PRTN3: variants seen among roughly 807,000 people sequenced by gnomAD.
PRTN3 encodes proteinase 3.
In PRTN3, 22 loss-of-function variants were observed where a neutral mutation model predicts 20.7. The observed-to-expected ratio is 1.06, with a 90% CI of 0.76 to 1.52. The LOEUF (loss-of-function observed/expected upper bound fraction) is 1.52. PRTN3 is among the 40% of genes most tolerant of loss of function. The pLI is 0.00. For synonymous variants in PRTN3, 173 were observed against 152.9 expected, an observed-to-expected ratio of 1.13 and a Z score of -0.97; for missense variants, 378 against 359.6, an observed-to-expected ratio of 1.05 and a Z score of -0.41.
chr19:846,043 C>G lies in PRTN3; in HGVS notation c.370-104C>G, dbSNP rs562714313. 1.5e-5 allele frequency: 11 copies of G among 748,868 alleles called. No individual in the cohort carries two copies. The Admixed American group carries it at 1.7e-4, about 12-fold the overall frequency. The allele number at this position is 748,868 out of a possible 1,614,324, so 46.4% of individuals were successfully genotyped here. A position where few individuals can be genotyped will look rare whatever the true frequency, so the allele number is the denominator to read the frequency against. ...GCCCAGGCGGAGGGAGCGGCATCCG[C>G]GGCGTTTTGAGGTGGTGGGTGTGGT... On this transcript the variant is annotated intron_variant, in intron 3 of 4. Transcript: ENST00000234347.
At chr19:847,727 G>A (rs1236049436) in intron 4 of PRTN3, 72 bp from the exon 5 acceptor site, 19 of 1,507,752 alleles carry the variant, frequency 1.3e-5, no homozygotes, top group Non-Finnish European at 1.6e-5. Context: ...CCTGATGGGT[G>A]ACTGGCCGTC....
chr19:848,086 C>A lies in PRTN3; in HGVS notation c.*117C>A. 1 of 1,286,800 alleles carries A rather than the reference C, an allele frequency of 7.8e-7. No individual in the cohort carries two copies. Among genetic ancestry groups the A allele is most frequent in the Non-Finnish European group, 1.1e-6 (1 of 950,884 alleles). The allele number at this position is 1,286,800 out of a possible 1,614,324, so 79.7% of individuals were successfully genotyped here. ...CTGTGGCGTCCGGGACGGCCCCACCCGTCCCCCCACACTCCCTCCCACGGG... is the reference window on the plus strand; with the variant it reads ...CTGTGGCGTCCGGGACGGCCCCACCAGTCCCCCCACACTCCCTCCCACGGG... On this transcript the variant is annotated 3_prime_UTR_variant, in exon 5 of 5. Transcript: ENST00000234347.
At chr19:845,802 C>T (rs528573684) in intron 3 of PRTN3, among the ~76,000 whole-genome samples, 141 of 151,618 alleles carry the variant, frequency 9.3e-4, no homozygotes, top group African/African-American at 3.0e-3. Context: ...CCAGCACTTT[C>T]GGAGGCTGAG....
In PRTN3 at chr19:847,941, G is replaced by A. The variant is rs774510400; in HGVS notation, c.743G>A (p.Arg248His). 10 of 1,604,816 alleles carry A rather than the reference G, an allele frequency of 6.2e-6. No individual in the cohort carries two copies. The East Asian group carries it at 6.7e-5, about 11-fold the overall frequency. Reference sequence around the variant, plus strand: ...GTGGACTGGATCCGTTCCACGCTGCGCCGTGTGGAGGCCAAGGGCCGCCCC... The same window carrying A: ...GTGGACTGGATCCGTTCCACGCTGCACCGTGTGGAGGCCAAGGGCCGCCCC... Reference protein sequence around the residue: ...LYVDWIRSTLRRVEAKGRP With the variant: ...LYVDWIRSTLHRVEAKGRP Residue 248 changes from arginine to histidine, a missense_variant, in exon 5 of 5, where the codon CGC (arginine) becomes CAC (histidine). Coordinates refer to ENST00000234347, the MANE Select transcript of PRTN3 (RefSeq NM_002777.4).
chr19:843,226 C>A, intron 1 of PRTN3: 1 of 543,742 alleles, frequency 1.8e-6, no homozygotes. Context: ...ACCTGGTCTG[C>A]GTCTTAAAAG....
intron 3 of PRTN3, 96 bp downstream of exon 3, chr19:844,130 T>C: frequency 1.4e-6 from 2 of 1,448,730 alleles, no homozygotes; most frequent in Non-Finnish European, 1.8e-6. Context: ...ACCCACTGTA[T>C]ACCGGGCCAC....
Position 843,515 on chromosome 19 carries a change from G to A in PRTN3, c.116G>A (p.Arg39Gln). The A allele has an allele frequency of 1.3e-6, 2 of 1,589,304 alleles. No homozygotes were observed. The highest frequency in any genetic ancestry group is 8.5e-7 in the Non-Finnish European group (1 of 1,170,976). Reference sequence around the variant, plus strand: ...GGGCACGAGGCGCAGCCACACTCCCGGCCCTACATGGCCTCCCTGCAGATG... The same window carrying A: ...GGGCACGAGGCGCAGCCACACTCCCAGCCCTACATGGCCTCCCTGCAGATG... Reference protein sequence around the residue: ...VGGHEAQPHSRPYMASLQMRG... With the variant: ...VGGHEAQPHSQPYMASLQMRG... The change falls in exon 2 of 5, where the codon CGG becomes CAG. Residue 39 changes from arginine (R) to glutamine (Q), a missense_variant. By Grantham distance (43) the Arg-to-Gln change is conservative. Transcript: ENST00000234347.
chr19:847,555 AAGAGAGAGAGAG>A (rs145629657), intron 4 of PRTN3, among the ~76,000 whole-genome samples: 32 of 115,826 alleles, frequency 2.8e-4, no homozygotes, highest in Middle Eastern at 3.8e-3. Context: ...AAGAAAAAGA[AAGAGAGAGAGAG>A]AGAGAGAGAG....
chr19:842,586 AT>A (rs71174326), intron 1 of PRTN3, among the ~76,000 whole-genome samples: 1,050 of 65,444 alleles, frequency 0.016, 43 homozygotes, highest in African/African-American at 0.07. Flanking sequence ...CACCTGGCTA[AT>A]TTTTTTTTTT....
intron 3 of PRTN3, among the ~76,000 whole-genome samples, chr19:844,627 G>A (rs1289405701): frequency 2.7e-5 from 4 of 149,962 alleles, no homozygotes; most frequent in African/African-American, 9.9e-5. Context: ...GGCGAGGACA[G>A]CCACAGCCCT....
At chr19:841,616 A>G (rs1347361891) in intron 1 of PRTN3, among the ~76,000 whole-genome samples, 3 of 58,022 alleles carry the variant, frequency 5.2e-5, no homozygotes, top group African/African-American at 1.3e-4. Context: ...GAGTGAATGA[A>G]TGAATGAGTG....
chr19:842,591 T>TTTTTTTTG (rs1347451456), intron 1 of PRTN3, among the ~76,000 whole-genome samples: 4 of 133,922 alleles, frequency 3.0e-5, no homozygotes, highest in Non-Finnish European at 6.3e-5. Flanking sequence ...GGCTAATTTT[T>TTTTTTTTG]TTTTTTTTTT....
chr19:842,673 C>T (rs1407509791), intron 1 of PRTN3, among the ~76,000 whole-genome samples: 1 of 147,394 alleles, frequency 6.8e-6, no homozygotes, highest in Middle Eastern at 3.3e-3. Context: ...CCACAACCTC[C>T]GCTTCCTGGG....
chr19:841,069 G>A lies in PRTN3; in HGVS notation c.61G>A (p.Gly21Ser), dbSNP rs915743854. 8.7e-6 allele frequency: 14 copies of A among 1,604,900 alleles called. No individual in the cohort carries two copies. The highest frequency in any genetic ancestry group is 2.7e-5 in the African/African-American group (2 of 75,052). Residue 21 changes from glycine (G) to serine (S), a missense_variant and splice_region_variant, in exon 1 of 5, where the codon GGT becomes AGT. By Grantham distance (56) the Gly-to-Ser change is moderately conservative. Coordinates refer to ENST00000234347, the MANE Select transcript of PRTN3 (RefSeq NM_002777.4). ...ASVLLALLLS[G>S]AARAAEIVGG... ...CGTGCTGCTGGCCTTGCTGCTGAGC[G>A]GTGAGTGAGCCACGTGCCCATCCAT...
intron 4 of PRTN3, 25 bp from the exon 5 acceptor site, chr19:847,774 G>C: frequency 6.3e-7 from 1 of 1,593,804 alleles, no homozygotes; most frequent in Non-Finnish European, 8.6e-7. Flanking sequence ...CCCCTGATGG[G>C]TGACTGGCCG....
Position 847,901 on chromosome 19 carries a change from C to A in PRTN3, c.703C>A (p.Arg235=). 6.2e-7 allele frequency: 1 copy of A among 1,608,484 alleles called. No homozygotes were observed. The highest frequency in any genetic ancestry group is 8.5e-7 in the Non-Finnish European group (1 of 1,177,336). The change falls in exon 5 of 5, where the codon CGG becomes AGG. Residue 235 remains arginine, a synonymous_variant. Coordinates refer to ENST00000234347, the MANE Select transcript of PRTN3 (RefSeq NM_002777.4). ...CCGCCTTTTCCCTGACTTCTTCACG[C>A]GGGTAGCCCTCTACGTGGACTGGAT... ...ATRLFPDFFT[R]VALYVDWIRS...
At chr19:841,634 G>A (rs1176215360) in intron 1 of PRTN3, among the ~76,000 whole-genome samples, 1 of 151,914 alleles carries the variant, frequency 6.6e-6, no homozygotes, top group Non-Finnish European at 1.5e-5. Context: ...GTGAGTGAGT[G>A]AAAGGGTCGA....
Position 846,413 on chromosome 19 carries a change from G to A in PRTN3, c.600+36G>A, listed in dbSNP as rs1484623395. On this transcript the variant is annotated intron_variant, in intron 4 of 4. Transcript: ENST00000234347. ...GTGCCCCCACCCCGGGCACCGGGCT[G>A]CCATGAGGGGAGGAGGGCGGCGGCC... is the stretch of plus-strand genomic sequence containing the variant. 6 of 1,537,536 alleles carry A rather than the reference G, an allele frequency of 3.9e-6. No individual in the cohort carries two copies. In the Admixed American group the frequency reaches 8.2e-5, roughly 21 times the overall value.
intron 3 of PRTN3, among the ~76,000 whole-genome samples, chr19:844,795 C>G (rs1388426034): frequency 6.6e-6 from 1 of 151,796 alleles, no homozygotes; most frequent in Non-Finnish European, 1.5e-5. Context: ...ACTGGGCATA[C>G]AGGTGGTGCT....
Sources: gnomAD v4.1 joint callset for allele counts (sites outside exome capture counted in the v4.1 genomes callset) on GRCh38, gnomAD v4.1.1 for gene constraint, MANE v1.5 for transcripts, NCBI Gene and HGNC (gene_info 2026-07-23, HGNC 2026-07-21) for gene names.